LRMDA: variants seen among roughly 807,000 people sequenced by gnomAD.
The protein encoded by LRMDA is leucine-rich melanocyte differentiation-associated protein.
A neutral mutation model predicts 29.8 loss-of-function variants in LRMDA; 18 were observed. The observed-to-expected ratio is 0.60, with a 90% CI of 0.42 to 0.90. The LOEUF (loss-of-function observed/expected upper bound fraction) is 0.90. Among genes scored for constraint, LRMDA ranks in the 40% least tolerant of loss-of-function variants. The pLI is 0.00. For missense variants in LRMDA, 273 were observed against 273.9 expected, an observed-to-expected ratio of 1.00 and a Z score of 0.02; for synonymous variants, 125 against 109.4, an observed-to-expected ratio of 1.14 and a Z score of -0.89.
intron 5 of LRMDA, among the ~76,000 whole-genome samples, chr10:76,320,006 G>A (rs984152228): frequency 6.6e-6 from 1 of 152,118 alleles, no homozygotes; most frequent in Non-Finnish European, 1.5e-5. Context: ...GTGCATCCAG[G>A]ACATTCAGAG....
chr10:76,401,181 C>G (rs1841844167), intron 6 of LRMDA, among the ~76,000 whole-genome samples: 1 of 152,094 alleles, frequency 6.6e-6, no homozygotes, highest in Admixed American at 6.5e-5. Flanking sequence ...GGATGGTATG[C>G]TCTCAGTGGA....
intron 6 of LRMDA, among the ~76,000 whole-genome samples, chr10:76,334,642 A>C (rs1589141085): frequency 6.6e-6 from 1 of 151,982 alleles, no homozygotes; most frequent in African/African-American, 2.4e-5. Flanking sequence ...GTCTGGGGAG[A>C]GGGCTGTTAC....
chr10:75,664,587 C>T (rs1036182447), intron 2 of LRMDA, among the ~76,000 whole-genome samples: 6 of 152,092 alleles, frequency 3.9e-5, no homozygotes, highest in African/African-American at 1.4e-4. Flanking sequence ...GGGCACTAAC[C>T]CAGCTGGAGG....
intron 5 of LRMDA, among the ~76,000 whole-genome samples, chr10:76,096,732 A>G (rs1441267053): frequency 6.6e-6 from 1 of 152,140 alleles, no homozygotes; most frequent in Admixed American, 6.5e-5. Context: ...GTCTGTGAAG[A>G]TGGTATCTCT....
chr10:76,120,407 C>T (rs1283163706), intron 5 of LRMDA, among the ~76,000 whole-genome samples: 1 of 151,952 alleles, frequency 6.6e-6, no homozygotes, highest in Non-Finnish European at 1.5e-5. Context: ...AGGCTGGTCT[C>T]GAACTCCTGA....
intron 6 of LRMDA, among the ~76,000 whole-genome samples, chr10:76,475,133 AATTCAT>A (rs1405711891): frequency 6.6e-6 from 1 of 151,706 alleles, no homozygotes; most frequent in African/African-American, 2.4e-5. Flanking sequence ...GCTTAAGGTA[AATTCAT>A]AGAGACCAAA....
At chr10:76,383,022 C>T (rs1264773640) in intron 6 of LRMDA, among the ~76,000 whole-genome samples, 5 of 152,174 alleles carry the variant, frequency 3.3e-5, no homozygotes, top group Non-Finnish European at 7.3e-5. Context: ...GAGCCACAGT[C>T]ACTGCACTAA....
chr10:76,140,798 C>A (rs950509181), intron 5 of LRMDA, among the ~76,000 whole-genome samples: 3 of 152,068 alleles, frequency 2.0e-5, no homozygotes, highest in African/African-American at 7.2e-5. Flanking sequence ...AAAGATTAAA[C>A]TCATATTGCA....
chr10:76,307,713 A>ACT (rs1159025589), intron 5 of LRMDA, among the ~76,000 whole-genome samples: 1 of 151,890 alleles, frequency 6.6e-6, no homozygotes, highest in African/African-American at 2.4e-5. Context: ...GGAAAGAGAA[A>ACT]CTCTTTCTTT....
chr10:76,379,112 C>T (rs1841558282), intron 6 of LRMDA, among the ~76,000 whole-genome samples: 1 of 151,676 alleles, frequency 6.6e-6, no homozygotes. Flanking sequence ...CCACCTCGGC[C>T]TCCCAAAGTG....
chr10:75,806,808 G>C (rs1589213047), intron 2 of LRMDA, among the ~76,000 whole-genome samples: 1 of 92,474 alleles, frequency 1.1e-5, no homozygotes, highest in African/African-American at 4.5e-5. Flanking sequence ...ACTGGAAATT[G>C]CAAAAAAAAA....
chr10:76,120,442 C>T (rs1327568743), intron 5 of LRMDA, among the ~76,000 whole-genome samples: 1 of 152,112 alleles, frequency 6.6e-6, no homozygotes, highest in Admixed American at 6.5e-5. Context: ...CCTACCTTGA[C>T]CTCCCAAAGT....
chr10:76,304,439 A>G (rs1386352912), intron 5 of LRMDA, among the ~76,000 whole-genome samples: 1 of 152,192 alleles, frequency 6.6e-6, no homozygotes, highest in East Asian at 1.9e-4. Flanking sequence ...CACATACGAG[A>G]AATCAACTGG....
chr10:76,235,925 G>A (rs576092404), intron 5 of LRMDA, among the ~76,000 whole-genome samples: 12 of 152,244 alleles, frequency 7.9e-5, no homozygotes, highest in South Asian at 6.2e-4. Context: ...AGCTACTTCC[G>A]TGTGTGCAGT....
At chr10:76,509,024 G>C (rs1842984462) in intron 6 of LRMDA, among the ~76,000 whole-genome samples, 1 of 152,064 alleles carries the variant, frequency 6.6e-6, no homozygotes, top group Non-Finnish European at 1.5e-5. Flanking sequence ...TCTCAGTGTT[G>C]TTGTGATGGC....
chr10:75,663,838 G>A (rs1841786120), intron 2 of LRMDA, among the ~76,000 whole-genome samples: 2 of 152,162 alleles, frequency 1.3e-5, no homozygotes, highest in South Asian at 4.1e-4. Flanking sequence ...GGTGTTATAG[G>A]AATCCTAAAA....
At chr10:75,534,955 A>T (rs983297670) in intron 2 of LRMDA, among the ~76,000 whole-genome samples, 1 of 152,206 alleles carries the variant, frequency 6.6e-6, no homozygotes, top group African/African-American at 2.4e-5. Flanking sequence ...CTTCATTAAA[A>T]AAACGAAAAC....
intron 2 of LRMDA, among the ~76,000 whole-genome samples, chr10:75,581,386 G>T (rs1840589189): frequency 6.6e-6 from 1 of 152,180 alleles, no homozygotes; most frequent in African/African-American, 2.4e-5. Context: ...ACCCCAGTTA[G>T]AATGGTGATC....
rs147583574 is a variant in LRMDA at position 76,236,920 on chromosome 10, A to T, written c.517-87481A>T. Among the ~76,000 whole-genome samples, 299 of 152,372 alleles carry T rather than the reference A, an allele frequency of 2.0e-3. 3 individuals are homozygous for T. Among genetic ancestry groups the T allele is most frequent in the African/African-American group, 6.5e-3 (270 of 41,600 alleles). On this transcript the variant is annotated intron_variant, in intron 5 of 6. Transcript: ENST00000611255. ...CAACTATAATTTCAAAGCTATGCTA[A>T]CATCTACTATAATTTCAAAGTGTTG...
Sources: allele counts gnomAD v4.1 joint callset (sites outside exome capture counted in the v4.1 genomes callset), GRCh38; gene constraint gnomAD v4.1.1; transcripts MANE v1.5; gene names NCBI Gene and HGNC (gene_info 2026-07-23, HGNC 2026-07-21).